The following BEST3 variants were observed in gnomAD, a reference collection of about 807,000 sequenced individuals.
BEST3 encodes the protein bestrophin-3.
In BEST3, 50 loss-of-function variants were observed where a neutral mutation model predicts 47.1. That is an observed-to-expected ratio of 1.06 (90% confidence interval 0.85 to 1.34). The LOEUF (loss-of-function observed/expected upper bound fraction) is 1.34. Ranked by LOEUF, BEST3 falls within the 40% of genes most tolerant of loss-of-function variation. BEST3 has a pLI of 0.00. For synonymous variants in BEST3, 282 were observed against 298.8 expected (o/e 0.94, Z 0.58); for missense variants, 765 against 817.0 (o/e 0.94, Z 0.78).
At chr12:69,684,483 A>T (rs1885439835) in intron 4 of BEST3, 2 of 565,466 alleles carry the variant, frequency 3.5e-6, no homozygotes, top group African/African-American at 1.9e-5. Flanking sequence ...TTTTTCCTTG[A>T]TTGAAGTTGA....
intron 9 of BEST3, chr12:69,670,172 G>GC (rs905709880): frequency 3.0e-6 from 1 of 335,038 alleles, no homozygotes; most frequent in Non-Finnish European, 5.6e-6. Context: ...ATGAAGCTCT[G>GC]CCCCTGCAGA....
At chr12:69,671,309 G>T (rs1884554537) in intron 9 of BEST3, 119 bp downstream of exon 9, 2 of 1,051,026 alleles carry the variant, frequency 1.9e-6, no homozygotes, top group Admixed American at 3.0e-5. Flanking sequence ...AGGACTACAG[G>T]TGACATCACA....
intron 7 of BEST3, among the ~76,000 whole-genome samples, chr12:69,675,292 G>C (rs1031460289): frequency 6.6e-6 from 1 of 151,486 alleles, no homozygotes; most frequent in East Asian, 2.0e-4. Context: ...CTAATATTTT[G>C]TATTTTTTTT....
chr12:69,694,221 G>T, intron 3 of BEST3, 149 bp downstream of exon 3: 1 of 609,628 alleles, frequency 1.6e-6, no homozygotes, highest in Non-Finnish European at 2.9e-6. Context: ...CAGCCGTGAA[G>T]GCAAACCTTA....
At chr12:69,697,941 T>C in intron 1 of BEST3, 128 bp from the exon 2 acceptor site, 2 of 698,414 alleles carry the variant, frequency 2.9e-6, no homozygotes, top group East Asian at 3.0e-5. Flanking sequence ...TTGTCTTTCT[T>C]AGTTTCTATA....
chr12:69,666,305 A>T (rs1211087954), intron 9 of BEST3, among the ~76,000 whole-genome samples: 1 of 152,254 alleles, frequency 6.6e-6, no homozygotes, highest in Non-Finnish European at 1.5e-5. Context: ...GGCGTGGGCC[A>T]TCATGTCTGG....
At chr12:69,679,430 G>C (rs1227375993) in intron 4 of BEST3, among the ~76,000 whole-genome samples, 1 of 152,044 alleles carries the variant, frequency 6.6e-6, no homozygotes, top group Admixed American at 6.5e-5. Flanking sequence ...TCCCTTTAAA[G>C]TTCCCACATG....
At chr12:69,670,590 A>G (rs186655282) in intron 9 of BEST3, 15 of 702,210 alleles carry the variant, frequency 2.1e-5, no homozygotes, top group Admixed American at 4.0e-5. Flanking sequence ...TGAAAGTAGA[A>G]GGAGGAGGGC....
intron 9 of BEST3, among the ~76,000 whole-genome samples, chr12:69,657,623 C>T (rs1197099791): frequency 6.6e-6 from 1 of 152,130 alleles, no homozygotes; most frequent in Non-Finnish European, 1.5e-5. Flanking sequence ...ACCAGCTGGT[C>T]CCAGTCCACT....
At chr12:69,666,763 CCTCAA>C (rs1241000064) in intron 9 of BEST3, among the ~76,000 whole-genome samples, 1 of 152,184 alleles carries the variant, frequency 6.6e-6, no homozygotes, top group African/African-American at 2.4e-5. Flanking sequence ...CCCATAGAGG[CCTCAA>C]ATTCAACACA....
In BEST3 at chr12:69,675,881, G is replaced by A. The variant is rs116583313; in HGVS notation, c.867+1035C>T. ...TTCACTGCAACCTGAAGGCCCCAGT[G>A]GGTCACGACAAGGTATGGCTCTTTG... On this transcript the variant is annotated intron_variant, in intron 7 of 9. Coordinates refer to ENST00000330891, the MANE Select transcript of BEST3 (RefSeq NM_032735.3). Among the ~76,000 whole-genome samples, 627 of 152,290 alleles carry A rather than the reference G, an allele frequency of 4.1e-3. 3 individuals are homozygous for A. The highest frequency in any genetic ancestry group is 0.014 in the African/African-American group (598 of 41,562).
chr12:69,690,668 T>C (rs1885887157), intron 4 of BEST3, among the ~76,000 whole-genome samples: 1 of 152,334 alleles, frequency 6.6e-6, no homozygotes, highest in East Asian at 1.9e-4. Context: ...TAGAGAAATA[T>C]CACCTCTGTT....
At chr12:69,655,855 G>A (rs775603666) in intron 9 of BEST3, 42 bp from the exon 10 acceptor site, 2 of 1,544,212 alleles carry the variant, frequency 1.3e-6, no homozygotes, top group Non-Finnish European at 1.7e-6. Context: ...GTAGCTTCGG[G>A]GGCCTAGCTT....
intron 2 of BEST3, among the ~76,000 whole-genome samples, chr12:69,695,877 T>C (rs980595423): frequency 2.0e-5 from 3 of 152,136 alleles, no homozygotes; most frequent in Non-Finnish European, 4.4e-5. Context: ...TGGTTCATAT[T>C]AATAGTTGGC....
In BEST3 at chr12:69,655,228, G is replaced by A. The variant is rs747942320; in HGVS notation, c.1686C>T (p.Pro562=). Residue 562 remains proline, a synonymous_variant, in exon 10 of 10, where the codon CCC becomes CCT. Coordinates refer to ENST00000330891, the MANE Select transcript of BEST3 (RefSeq NM_032735.3). The part of the protein sequence containing the change: ...PSEKETPPGG[P]SPQTVSASAE... Reference sequence around the variant, plus strand: ...CGCTGGCTGAAACTGTCTGGGGACTGGGGCCTCCAGGAGGTGTCTCCTTCT... The same window carrying A: ...CGCTGGCTGAAACTGTCTGGGGACTAGGGCCTCCAGGAGGTGTCTCCTTCT... 3.1e-6 allele frequency: 5 copies of A among 1,614,002 alleles called. No individual in the cohort carries two copies. In the Admixed American group the frequency reaches 6.7e-5, roughly 22 times the overall value.
chr12:69,696,955 A>C (rs574122837), intron 2 of BEST3, among the ~76,000 whole-genome samples: 32 of 152,350 alleles, frequency 2.1e-4, no homozygotes, highest in African/African-American at 6.7e-4. Flanking sequence ...AATTTTATTA[A>C]GACTATAACT....
chr12:69,654,091 T>TATC lies in BEST3; in HGVS notation c.*813_*815dup, dbSNP rs1883312361. Reference sequence around the variant, plus strand: ...TCCACTGGAAGTGAGACTGGAAGGGTATCAGGCTGGATTTGTTGACACCTT... The same window carrying TATC: ...TCCACTGGAAGTGAGACTGGAAGGGTATCATCAGGCTGGATTTGTTGACACCTT... On this transcript the variant is annotated 3_prime_UTR_variant, in exon 10 of 10. Transcript: ENST00000330891. The TATC allele has an allele frequency of 4.1e-6, 4 of 985,318 alleles. No individual in the cohort carries two copies. The South Asian group carries it at 1.9e-4, about 46-fold the overall frequency. The allele number at this position is 985,318 out of a possible 1,614,324, so 61.0% of individuals were successfully genotyped here.
chr12:69,690,264 T>C (rs1383608638), intron 4 of BEST3, among the ~76,000 whole-genome samples: 2 of 152,200 alleles, frequency 1.3e-5, no homozygotes, highest in Non-Finnish European at 2.9e-5. Context: ...GGCAGAAACA[T>C]TGGTAGCTGA....
intron 4 of BEST3, chr12:69,689,189 G>A (rs1401351884): frequency 1.0e-6 from 1 of 985,412 alleles, no homozygotes; most frequent in Non-Finnish European, 1.2e-6. Flanking sequence ...CACAGGCAAA[G>A]GACAGTCAGA....
Sources: gnomAD v4.1 joint callset for allele counts (sites outside exome capture counted in the v4.1 genomes callset) on GRCh38, gnomAD v4.1.1 for gene constraint, MANE v1.5 for transcripts, NCBI Gene and HGNC (gene_info 2026-07-23, HGNC 2026-07-21) for gene names.